IQSEC1: variants seen among roughly 807,000 people sequenced by gnomAD.
The protein encoded by IQSEC1 is IQ motif and Sec7 domain ArfGEF 1, also known as IQ motif and SEC7 domain-containing protein 1.
A neutral mutation model predicts 91.0 loss-of-function variants in IQSEC1; 31 were observed. That is an observed-to-expected ratio of 0.34 (90% CI 0.26 to 0.46). The LOEUF (loss-of-function observed/expected upper bound fraction) is 0.46. Ranked by LOEUF, IQSEC1 falls within the 20% of genes least tolerant of loss-of-function variation. The pLI, the probability that IQSEC1 is intolerant of heterozygous loss-of-function variation, is 1.00. For missense variants in IQSEC1, 1,388 were observed against 1,575.6 expected (o/e 0.88, Z 2.02); for synonymous variants, 699 against 662.6 (o/e 1.05, Z -0.84).
At chr3:13,216,765 C>T (rs1694558357) in intron 1 of IQSEC1, among the ~76,000 whole-genome samples, 1 of 152,166 alleles carries the variant, frequency 6.6e-6, no homozygotes, top group Non-Finnish European at 1.5e-5. Context: ...GACAGAACAC[C>T]CGGATGCACT....
chr3:13,190,958 C>G (rs1210797279), intron 1 of IQSEC1, among the ~76,000 whole-genome samples: 2 of 152,168 alleles, frequency 1.3e-5, no homozygotes, highest in Non-Finnish European at 2.9e-5. Context: ...CTAGTGCAGG[C>G]CCAGGAGGGC....
intron 1 of IQSEC1, among the ~76,000 whole-genome samples, chr3:12,986,579 C>T (rs1701745768): frequency 6.6e-6 from 1 of 152,258 alleles, no homozygotes; most frequent in African/African-American, 2.4e-5. Context: ...CCCCTCTCCC[C>T]TGCCTGGTGA....
At chr3:13,174,388 A>T (rs1230117648) in intron 1 of IQSEC1, among the ~76,000 whole-genome samples, 1 of 152,152 alleles carries the variant, frequency 6.6e-6, no homozygotes, top group Non-Finnish European at 1.5e-5. Context: ...TGGAGACTAT[A>T]CAGCCACCTG....
In IQSEC1 at chr3:12,935,746, G is replaced by GCAACTCAGGCTCCT. The variant is rs1559642651; in HGVS notation, c.1256_1269dup (p.Pro425SerfsTer99). On this transcript the variant is annotated frameshift_variant, in exon 3 of 14. Transcript: ENST00000613206. LOFTEE classifies it high-confidence loss of function. The surrounding 1 kb of genome is among the most constrained non-coding windows in gnomAD (Gnocchi z 8.0). ...TCCAGGGGCCTGGGGGGCCGGGGCC[G>GCAACTCAGGCTCCT]CAACTCAGGCTCCTCCCGGGGGAGG... is the stretch of plus-strand genomic sequence containing the variant. 1 of 1,610,054 alleles carries GCAACTCAGGCTCCT rather than the reference G, an allele frequency of 6.2e-7. No homozygotes were observed. The highest frequency in any genetic ancestry group is 8.5e-7 in the Non-Finnish European group (1 of 1,179,700).
intron 1 of IQSEC1, among the ~76,000 whole-genome samples, chr3:12,968,815 A>G (rs552206825): frequency 5.3e-5 from 8 of 152,334 alleles, no homozygotes; most frequent in African/African-American, 1.7e-4. Context: ...TGGCAGGCCT[A>G]CGGGAGTCAG....
intron 1 of IQSEC1, among the ~76,000 whole-genome samples, chr3:13,169,280 C>T (rs749085526): frequency 9.2e-5 from 14 of 152,332 alleles, no homozygotes; most frequent in Admixed American, 2.0e-4. Flanking sequence ...CTTTGCCTGA[C>T]GCCATCCACG....
In IQSEC1 at chr3:13,155,738, T is replaced by C. The variant is rs1316307576; in HGVS notation, c.302+8366A>G. 2.6e-5 allele frequency among the ~76,000 whole-genome samples: 4 copies of C among 152,074 alleles called. No homozygotes were observed. The East Asian group carries it at 5.8e-4, about 22-fold the overall frequency. ...TCCTCAGCAAATATCAGCAACAAAATTCAGTAGCCCAATAAAAGAATTCTG... is the reference window on the plus strand; with the variant it reads ...TCCTCAGCAAATATCAGCAACAAAACTCAGTAGCCCAATAAAAGAATTCTG... On this transcript the variant is annotated intron_variant, in intron 2 of 15. Transcript: ENST00000648114.
chr3:13,234,950 G>C (rs1417626937), intron 1 of IQSEC1, among the ~76,000 whole-genome samples: 3 of 152,234 alleles, frequency 2.0e-5, no homozygotes, highest in African/African-American at 7.2e-5. Flanking sequence ...CGAGGTGTGG[G>C]TGATTGCTGA....
chr3:12,938,985 G>C (rs1157660856), intron 2 of IQSEC1, among the ~76,000 whole-genome samples: 17 of 152,218 alleles, frequency 1.1e-4, no homozygotes, highest in Non-Finnish European at 2.9e-5. Flanking sequence ...TTTCTGGGAT[G>C]GAACTATTGC....
chr3:13,199,558 G>C (rs1370163212), intron 1 of IQSEC1, among the ~76,000 whole-genome samples: 6 of 152,152 alleles, frequency 3.9e-5, no homozygotes, highest in Non-Finnish European at 8.8e-5. Flanking sequence ...TTGCTGTGCT[G>C]TGGTCGCCCC....
At chr3:13,137,775 A>T (rs560234845) in intron 2 of IQSEC1, among the ~76,000 whole-genome samples, 1 of 152,338 alleles carries the variant, frequency 6.6e-6, no homozygotes, top group Non-Finnish European at 1.5e-5. Context: ...GTCAGCTATG[A>T]TCATACCTGT....
intron 1 of IQSEC1, among the ~76,000 whole-genome samples, chr3:13,281,231 C>T (rs777148990): frequency 3.3e-5 from 5 of 152,140 alleles, no homozygotes; most frequent in Non-Finnish European, 7.4e-5. Flanking sequence ...GGAGAAAGGG[C>T]CCGGGCCCCT....
intron 1 of IQSEC1, among the ~76,000 whole-genome samples, chr3:13,246,145 T>C (rs756779164): frequency 1.3e-5 from 2 of 152,222 alleles, no homozygotes; most frequent in African/African-American, 2.4e-5. Flanking sequence ...ACAAACAAAA[T>C]GCGGCCTATC....
chr3:12,914,783 A>G (rs1400004525), intron 8 of IQSEC1, among the ~76,000 whole-genome samples: 1 of 151,976 alleles, frequency 6.6e-6, no homozygotes, highest in African/African-American at 2.4e-5. Context: ...TGGGGGACAG[A>G]GCACAGAGCA....
At position 12,999,553 on chromosome 3, in the gene IQSEC1, C is replaced by T. The variant is rs60092019; in HGVS notation, c.24-57688G>A. ...CAGATGACACAGCACTGGGCGCCCA[C>T]GTGGGGCGGGGACATCTAGGGGAAC... On this transcript the variant is annotated intron_variant, in intron 1 of 13. Coordinates refer to ENST00000613206, the MANE Select transcript of IQSEC1 (RefSeq NM_001134382.3). 9.3e-3 allele frequency among the ~76,000 whole-genome samples: 1,415 copies of T among 152,260 alleles called. 21 individuals are homozygous for T. Among genetic ancestry groups the T allele is most frequent in the African/African-American group, 0.032 (1,317 of 41,534 alleles).
intron 1 of IQSEC1, among the ~76,000 whole-genome samples, chr3:13,198,103 G>A (rs1694169239): frequency 6.6e-6 from 1 of 152,210 alleles, no homozygotes. Flanking sequence ...ATTGTGTGAA[G>A]AGGTGCTGAG....
At chr3:13,033,880 A>T (rs969804378) in intron 1 of IQSEC1, among the ~76,000 whole-genome samples, 1 of 152,162 alleles carries the variant, frequency 6.6e-6, no homozygotes, top group South Asian at 2.1e-4. Context: ...CACCCCACAG[A>T]CACACCCAGA....
Position 12,924,463 on chromosome 3 carries a change from CCCA to C in IQSEC1, c.1730+115_1730+117del, listed in dbSNP as rs1428044081. On this transcript the variant is annotated intron_variant, in intron 4 of 13. Coordinates refer to ENST00000613206, the MANE Select transcript of IQSEC1 (RefSeq NM_001134382.3). The surrounding 1 kb of genome is among the most constrained non-coding windows in gnomAD (Gnocchi z 6.3). ...GGACTTAGGAAGAGAGAAAGGGGGG[CCCA>C]CCACATGTCCCAGCAAGTAGGGTGG... The C allele has an allele frequency of 1.9e-6, 2 of 1,034,434 alleles. No individual in the cohort carries two copies. The highest frequency in any genetic ancestry group is 3.0e-5 in the East Asian group (1 of 33,618). 64.1% of individuals were successfully genotyped at this position (1,034,434 alleles called of 1,614,324 possible).
intron 1 of IQSEC1, among the ~76,000 whole-genome samples, chr3:13,029,568 T>A (rs1703761655): frequency 6.6e-6 from 1 of 152,190 alleles, no homozygotes; most frequent in Admixed American, 6.5e-5. Flanking sequence ...CCCTTCAATC[T>A]CCATTTTGTT....
Sources: gnomAD v4.1 joint callset for allele counts (sites outside exome capture counted in the v4.1 genomes callset) on GRCh38, gnomAD v4.1.1 for gene constraint, Gnocchi (gnomAD v3.1) non-coding constraint, MANE v1.5 for transcripts, NCBI Gene and HGNC (gene_info 2026-07-23, HGNC 2026-07-21) for gene names.